CACNA1S: variants seen among roughly 807,000 people sequenced by gnomAD.
CACNA1S encodes the protein voltage-dependent L-type calcium channel subunit alpha-1S.
In CACNA1S, 126 loss-of-function variants were observed where a neutral mutation model predicts 207.4. The ratio of observed to expected loss-of-function variants is 0.61; its 90% confidence interval spans 0.53 to 0.70. The LOEUF (loss-of-function observed/expected upper bound fraction) is 0.70. Ranked by LOEUF, CACNA1S falls within the 30% of genes least tolerant of loss-of-function variation. The pLI is 0.00. For missense variants in CACNA1S, 2,349 were observed against 2,422.8 expected (o/e 0.97, Z 0.64); for synonymous variants, 960 against 932.7 (o/e 1.03, Z -0.53).
At chr1:201,042,099 T>C (rs1660254607) in intron 40 of CACNA1S, among the ~76,000 whole-genome samples, 1 of 152,184 alleles carries the variant, frequency 6.6e-6, no homozygotes, top group Admixed American at 6.5e-5. Flanking sequence ...GGACACTAAA[T>C]ATCTGTTATT....
At chr1:201,071,607 G>A (rs1661437418) in intron 16 of CACNA1S, among the ~76,000 whole-genome samples, 1 of 152,062 alleles carries the variant, frequency 6.6e-6, no homozygotes, top group Admixed American at 6.5e-5. Context: ...TCTTCCTGCT[G>A]TCCAGCCCAC....
rs1661011718 is a variant in CACNA1S at position 201,060,644 on chromosome 1, TG to T, written c.3414+13del. 1 of 1,614,020 alleles carries T rather than the reference TG, an allele frequency of 6.2e-7. No homozygotes were observed. The highest frequency in any genetic ancestry group is 1.1e-5 in the South Asian group (1 of 91,076). On this transcript the variant is annotated intron_variant, in intron 26 of 43. Transcript: ENST00000362061. ...CCAGTCTGATCAGACATTTTTCTCCTGGGGAGCCCTTACCTGCATGCCGAGG... is the reference window on the plus strand; with the variant it reads ...CCAGTCTGATCAGACATTTTTCTCCTGGGAGCCCTTACCTGCATGCCGAGG...
intron 11 of CACNA1S, 99 bp downstream of exon 11, chr1:201,077,780 G>T (rs1661681218): frequency 2.6e-6 from 2 of 779,898 alleles, no homozygotes; most frequent in African/African-American, 1.7e-5. Context: ...TGGTGAACCT[G>T]CACAGATCCC....
At chr1:201,054,737 G>T (rs1412478158) in intron 28 of CACNA1S, among the ~76,000 whole-genome samples, 176 bp from the exon 29 acceptor site, 1 of 152,122 alleles carries the variant, frequency 6.6e-6, no homozygotes, top group Non-Finnish European at 1.5e-5. Context: ...GTGGGTGGGA[G>T]TGAGGACTGA....
chr1:201,047,476 C>T (rs774686972), intron 37 of CACNA1S, 49 bp downstream of exon 37: 1 of 1,491,408 alleles, frequency 6.7e-7, no homozygotes, highest in Non-Finnish European at 9.4e-7. Context: ...GCTCCCCACT[C>T]CCATTCCTTG....
intron 40 of CACNA1S, 110 bp downstream of exon 40, chr1:201,043,171 G>T: frequency 6.9e-7 from 1 of 1,442,744 alleles, no homozygotes; most frequent in Non-Finnish European, 9.7e-7. Flanking sequence ...ACAAAGGCAA[G>T]CAAAAGACAC....
chr1:201,107,950 G>A (rs1662959508), intron 2 of CACNA1S, among the ~76,000 whole-genome samples: 1 of 152,102 alleles, frequency 6.6e-6, no homozygotes, highest in African/African-American at 2.4e-5. Flanking sequence ...GACTTGCAGG[G>A]AACTCATAAT....
At chr1:201,088,163 C>T (rs545854935) in intron 6 of CACNA1S, among the ~76,000 whole-genome samples, 169 of 152,240 alleles carry the variant, frequency 1.1e-3, no homozygotes, top group African/African-American at 3.8e-3. Context: ...CCTACCTGGC[C>T]CGGGCAAGAC....
At chr1:201,043,662 T>C (rs1660373786) in intron 39 of CACNA1S, 131 bp from the exon 40 acceptor site, 4 of 796,806 alleles carry the variant, frequency 5.0e-6, no homozygotes, top group East Asian at 5.1e-5. Flanking sequence ...CAAAGGAGGA[T>C]GGACTGAGTG....
Position 201,069,381 on chromosome 1 carries a change from G to A in CACNA1S, c.2490+91C>T, listed in dbSNP as rs77498722. 4.2e-4 allele frequency: 646 copies of A among 1,546,576 alleles called. 1 individual carries two copies. The African/African-American group carries it at 8.1e-3, about 19-fold the overall frequency. ...ACTCTAAGAAACTCTGATGCTTGTA[G>A]CCACATAGAGGATACAGCTGAACCC... On this transcript the variant is annotated intron_variant, in intron 18 of 43. Coordinates refer to ENST00000362061, the MANE Select transcript of CACNA1S (RefSeq NM_000069.3).
chr1:201,087,718 T>G, intron 7 of CACNA1S, 108 bp downstream of exon 7: 1 of 749,006 alleles, frequency 1.3e-6, no homozygotes, highest in Non-Finnish European at 2.3e-6. Context: ...TCCTCTCCAC[T>G]CGCCCCCCAC....
At chr1:201,062,207 C>T in intron 23 of CACNA1S, 117 bp from the exon 24 acceptor site, 5 of 1,314,944 alleles carry the variant, frequency 3.8e-6, no homozygotes, top group Non-Finnish European at 5.4e-6. Context: ...AGATCTGGGA[C>T]CCAAGGGGAC....
intron 27 of CACNA1S, 122 bp from the exon 28 acceptor site, chr1:201,058,613 G>A (rs767044927): frequency 2.6e-5 from 20 of 764,178 alleles, no homozygotes; most frequent in Middle Eastern, 3.5e-4. Flanking sequence ...CCAAGGTGGG[G>A]TGCCCATGAC....
chr1:201,054,491 C>T lies in CACNA1S; in HGVS notation c.3666+14G>A. On this transcript the variant is annotated intron_variant, in intron 29 of 43. Transcript: ENST00000362061. Reference sequence around the variant, plus strand: ...GGTGAGCGTGCCAGGCAGGCTCGTGCAGCCTGAAATTACAACGTTCCCGCA... The same window carrying T: ...GGTGAGCGTGCCAGGCAGGCTCGTGTAGCCTGAAATTACAACGTTCCCGCA... 1 of 1,612,216 alleles carries T rather than the reference C, an allele frequency of 6.2e-7. No individual in the cohort carries two copies. The highest frequency in any genetic ancestry group is 8.5e-7 in the Non-Finnish European group (1 of 1,178,610).
chr1:201,092,078 G>A lies in CACNA1S; in HGVS notation c.435C>T (p.Ile145=). 6.2e-7 allele frequency: 1 copy of A among 1,614,092 alleles called. No homozygotes were observed. The highest frequency in any genetic ancestry group is 1.7e-5 in the Admixed American group (1 of 60,008). ...TGCTCATTGGGGCTGTGTGGCTTTG[G>A]ATGACGTTAACCTGTTCCAGAATCA... ...FTVILEQVNV[I]QSHTAPMSSK... is the part of the protein sequence containing the mutation. The change falls in exon 4 of 44, where the codon ATC becomes ATT. Residue 145 remains isoleucine, a synonymous_variant. Transcript: ENST00000362061.
intron 18 of CACNA1S, 119 bp downstream of exon 18, chr1:201,069,353 T>G: frequency 6.7e-7 from 1 of 1,501,112 alleles, no homozygotes; most frequent in East Asian, 2.3e-5. Flanking sequence ...CCTGAGGAAC[T>G]GAACTCTAAG....
chr1:201,104,643 C>T (rs1288188056), intron 2 of CACNA1S, among the ~76,000 whole-genome samples: 1 of 152,168 alleles, frequency 6.6e-6, no homozygotes, highest in East Asian at 1.9e-4. Context: ...GATATGTGTT[C>T]CTTGGATATT....
chr1:201,072,659 G>T, intron 16 of CACNA1S, 96 bp downstream of exon 16: 1 of 871,690 alleles, frequency 1.1e-6, no homozygotes, highest in Non-Finnish European at 2.0e-6. Flanking sequence ...GTACAGGTAG[G>T]GACACACAAG....
rs745873135 is a variant in CACNA1S at position 201,040,730 on chromosome 1, G to T, written c.5135-17C>A. On this transcript the variant is annotated splice_polypyrimidine_tract_variant and intron_variant, in intron 41 of 43. Coordinates refer to ENST00000362061, the MANE Select transcript of CACNA1S (RefSeq NM_000069.3). Reference sequence around the variant, plus strand: ...TGTGGGGTCCTGTATGCAAGAAGGGGCAAGGATAAGAGGGGCTGCTGACTC... The same window carrying T: ...TGTGGGGTCCTGTATGCAAGAAGGGTCAAGGATAAGAGGGGCTGCTGACTC... 7.5e-6 allele frequency: 12 copies of T among 1,605,758 alleles called. No homozygotes were observed. Among genetic ancestry groups the T allele is most frequent in the Non-Finnish European group, 9.4e-6 (11 of 1,173,316 alleles).
Sources: gnomAD v4.1 joint callset for allele counts (sites outside exome capture counted in the v4.1 genomes callset) on GRCh38, gnomAD v4.1.1 for gene constraint, MANE v1.5 for transcripts, NCBI Gene and HGNC (gene_info 2026-07-23, HGNC 2026-07-21) for gene names.